GALNT2: variants seen among roughly 807,000 people sequenced by gnomAD.
GALNT2 encodes UDP-GalNAc:polypeptide N-acetylgalactosaminyltransferase 2.
A neutral mutation model predicts 81.4 loss-of-function variants in GALNT2; 31 were observed. That is an observed-to-expected ratio of 0.38 (90% CI 0.29 to 0.51). The LOEUF (loss-of-function observed/expected upper bound fraction) is 0.51, where lower values mean the gene tolerates loss of function less well. Ranked by LOEUF, GALNT2 falls within the 20% of genes least tolerant of loss-of-function variation. GALNT2 has a pLI of 0.87. For synonymous variants in GALNT2, 303 were observed against 287.4 expected (o/e 1.05, Z -0.55); for missense variants, 629 against 765.7 (o/e 0.82, Z 2.11).
intron 1 of GALNT2, among the ~76,000 whole-genome samples, chr1:230,140,996 G>T (rs1412233067): frequency 1.3e-5 from 2 of 152,178 alleles, no homozygotes; most frequent in Non-Finnish European, 2.9e-5. Flanking sequence ...AAAAATTCCA[G>T]CATTCGTTGC....
chr1:230,205,362 G>A (rs1344193713), intron 3 of GALNT2, among the ~76,000 whole-genome samples: 1 of 150,756 alleles, frequency 6.6e-6, no homozygotes, highest in African/African-American at 2.4e-5. Context: ...CCATGGAAAA[G>A]TGTGTGTGTG....
At chr1:230,190,460 T>C (rs1663485384) in intron 2 of GALNT2, among the ~76,000 whole-genome samples, 1 of 152,240 alleles carries the variant, frequency 6.6e-6, no homozygotes, top group African/African-American at 2.4e-5. Flanking sequence ...CAACAGGTCC[T>C]GAGTTTTATC....
chr1:230,172,354 C>G (rs899209333), intron 1 of GALNT2, among the ~76,000 whole-genome samples: 9 of 152,176 alleles, frequency 5.9e-5, no homozygotes, highest in African/African-American at 2.2e-4. Context: ...CAGACCCCAG[C>G]CCTAGGCAAA....
At chr1:230,226,117 C>G (rs973096791) in intron 3 of GALNT2, among the ~76,000 whole-genome samples, 2 of 152,234 alleles carry the variant, frequency 1.3e-5, no homozygotes, top group African/African-American at 4.8e-5. Flanking sequence ...TCTAGCCTGG[C>G]TGGAGCCCCA....
chr1:230,238,043 G>C (rs1017800380), intron 6 of GALNT2, among the ~76,000 whole-genome samples: 3 of 152,226 alleles, frequency 2.0e-5, no homozygotes, highest in African/African-American at 7.2e-5. Context: ...GAAGGCATGA[G>C]AAGGGTGGGT....
chr1:230,086,459 C>T (rs976665115), intron 1 of GALNT2, among the ~76,000 whole-genome samples: 1 of 152,038 alleles, frequency 6.6e-6, no homozygotes, highest in Non-Finnish European at 1.5e-5. Context: ...AAGAGATGGC[C>T]CTTGTGCGAG....
chr1:230,265,118 C>G, intron 13 of GALNT2, 123 bp from the exon 14 acceptor site: 2 of 1,289,088 alleles, frequency 1.6e-6, no homozygotes, highest in Non-Finnish European at 2.2e-6. Flanking sequence ...AGGCACGATG[C>G]CTAGTCACTG....
chr1:230,263,682 G>A (rs561766520), intron 13 of GALNT2: 2 of 152,392 alleles, frequency 1.3e-5, no homozygotes, highest in South Asian at 4.1e-4. Context: ...GATCCGCTGG[G>A]GTGGAGGAGC....
At chr1:230,134,014 C>G (rs1270629642) in intron 1 of GALNT2, among the ~76,000 whole-genome samples, 1 of 151,932 alleles carries the variant, frequency 6.6e-6, no homozygotes, top group Non-Finnish European at 1.5e-5. Context: ...ATGCTTGTCT[C>G]AACCAGAGAT....
chr1:230,065,024 A>G (rs1469684188), upstream of GALNT2, among the ~76,000 whole-genome samples: 1 of 152,250 alleles, frequency 6.6e-6, no homozygotes, highest in Non-Finnish European at 1.5e-5. Context: ...TTTGACATGT[A>G]CATTTAAATT....
rs767630739 is a variant in GALNT2, at chr1:230,274,485, A to G, written c.1481A>G (p.Asp494Gly). ...LTKEKSVKHM[D>G]LCLTVVDRAP... ...AAGGAGAAGTCGGTGAAGCACATGG[A>G]TTTGTGCCTTACTGTGGTGGACCGG... The change falls in exon 15 of 16, where the codon GAT (aspartate) becomes GGT (glycine). Residue 494 changes from aspartate (D) to glycine (G), a missense_variant. Physicochemically the swap from Asp to Gly is moderately conservative, Grantham distance 94. Around this residue, in one of 3 missense-constraint regions of GALNT2, gnomAD observed 207 missense variants for 225.5 expected, o/e 0.92. Transcript: ENST00000366672. 4.6e-5 allele frequency: 75 copies of G among 1,613,704 alleles called. No homozygotes were observed. Among genetic ancestry groups the G allele is most frequent in the Non-Finnish European group, 6.3e-5 (74 of 1,179,860 alleles).
chr1:230,161,142 T>C (rs1662418809), intron 1 of GALNT2, among the ~76,000 whole-genome samples: 1 of 152,248 alleles, frequency 6.6e-6, no homozygotes, highest in African/African-American at 2.4e-5. Flanking sequence ...TGTGACTGTC[T>C]GGGCGGTCCT....
At position 230,136,824 on chromosome 1, in the gene GALNT2, A is replaced by G. The variant is rs139910054; in HGVS notation, c.127-41394A>G. ...AAGCTCAATGGCATTTATCTGGTCC[A>G]AGGTCATTCAACAAGAACAGGTTGA... On this transcript the variant is annotated intron_variant, in intron 1 of 15. Transcript: ENST00000366672. 3.2e-3 allele frequency among the ~76,000 whole-genome samples: 486 copies of G among 152,340 alleles called. 1 individual carries two copies. The highest frequency in any genetic ancestry group is 7.1e-3 in the South Asian group (34 of 4,820).
intron 13 of GALNT2, chr1:230,264,897 C>A: frequency 4.6e-6 from 1 of 217,624 alleles, no homozygotes; most frequent in South Asian, 8.5e-5. Context: ...GCAACAGGAT[C>A]TGACCACATT....
chr1:230,154,095 A>G (rs1002358985), intron 1 of GALNT2, among the ~76,000 whole-genome samples: 7 of 152,150 alleles, frequency 4.6e-5, no homozygotes, highest in Non-Finnish European at 8.8e-5. Flanking sequence ...AGCTTGCATA[A>G]TCAGTGTCTG....
intron 1 of GALNT2, among the ~76,000 whole-genome samples, chr1:230,170,403 CT>C (rs1449874159): frequency 6.6e-6 from 1 of 152,192 alleles, no homozygotes; most frequent in African/African-American, 2.4e-5. Flanking sequence ...ACCACTCTTT[CT>C]TGTAAACCAA....
At chr1:230,239,411 C>T (rs1198826458) in intron 6 of GALNT2, among the ~76,000 whole-genome samples, 1 of 152,190 alleles carries the variant, frequency 6.6e-6, no homozygotes, top group East Asian at 1.9e-4. Context: ...GTCCCAAAAC[C>T]TCAAAAGTGG....
At chr1:230,112,916 CT>C (rs1435167883) in intron 1 of GALNT2, among the ~76,000 whole-genome samples, 1 of 152,200 alleles carries the variant, frequency 6.6e-6, no homozygotes, top group Non-Finnish European at 1.5e-5. Flanking sequence ...CCCTTAGGAA[CT>C]GCCTGGGACA....
chr1:230,074,356 G>C (rs779427530), intron 1 of GALNT2, among the ~76,000 whole-genome samples: 9 of 152,174 alleles, frequency 5.9e-5, no homozygotes, highest in Non-Finnish European at 1.3e-4. Flanking sequence ...TGGGATTCCA[G>C]GTGTGAGCGA....
Sources: gnomAD v4.1 joint callset for allele counts (sites outside exome capture counted in the v4.1 genomes callset) on GRCh38, gnomAD v4.1.1 for gene constraint, gnomAD v4.1.1 regional missense constraint, MANE v1.5 for transcripts, NCBI Gene and HGNC (gene_info 2026-07-23, HGNC 2026-07-21) for gene names.